The following JAK1 variants were observed in gnomAD, a reference collection of about 807,000 sequenced individuals.
JAK1 encodes Janus kinase 1.
Under a neutral mutation model 136.6 loss-of-function variants are expected in JAK1, and 16 were observed. The observed-to-expected ratio is 0.12, with a 90% CI of 0.08 to 0.18. JAK1 has a LOEUF of 0.18. Ranked by LOEUF, JAK1 falls within the 10% of genes least tolerant of loss-of-function variation. The pLI is 1.00. For missense variants in JAK1, 859 were observed against 1,450.1 expected (o/e 0.59, Z 6.62); for synonymous variants, 492 against 519.5 (o/e 0.95, Z 0.72).
rs1018629576 is a variant in JAK1 at position 64,854,673 on chromosome 1, G to A, written c.1648+836C>T. The stretch of plus-strand genomic sequence containing the variant: ...AAGAGGCTTAACAAGAAACAGCTGA[G>A]TGGCTCCCCCTTGGATCCATTTCAC... On this transcript the variant is annotated intron_variant, in intron 11 of 24. Transcript: ENST00000342505. Among the ~76,000 whole-genome samples, 36 of 124,698 alleles carry A rather than the reference G, an allele frequency of 2.9e-4. 9 individuals are homozygous for A. The highest frequency in any genetic ancestry group is 5.0e-4 in the Admixed American group (6 of 12,068). The allele number at this position is 124,698 out of a possible 152,430, so 81.8% of individuals were successfully genotyped here.
At chr1:64,880,405 G>A (rs1387342281) in intron 3 of JAK1, among the ~76,000 whole-genome samples, 7 of 152,190 alleles carry the variant, frequency 4.6e-5, no homozygotes, top group Non-Finnish European at 7.3e-5. Context: ...TTCATAAAGT[G>A]GCTTTTGTGG....
chr1:64,836,668 C>T (rs1339820596), intron 22 of JAK1, among the ~76,000 whole-genome samples: 2 of 152,038 alleles, frequency 1.3e-5, no homozygotes, highest in Non-Finnish European at 2.9e-5. Flanking sequence ...GGCATTCCAC[C>T]GCACCCAATC....
chr1:64,839,416 T>G (rs1654746485), intron 20 of JAK1, 187 bp downstream of exon 20: 3 of 442,608 alleles, frequency 6.8e-6, no homozygotes, highest in Non-Finnish European at 7.7e-6. Context: ...CTGGGTGGCC[T>G]CCTCAGGAGC....
chr1:65,058,632 A>G (rs987526257), intron 1 of JAK1: 7 of 425,872 alleles, frequency 1.6e-5, no homozygotes. Context: ...AGGAGGCAGA[A>G]GAAAAAGAAG....
rs1016599158 is a variant in JAK1 at position 65,000,510 on chromosome 1, A to T, written c.-78+43970T>A. On this transcript the variant is annotated intron_variant, in intron 2 of 25. Coordinates refer to the JAK1 transcript ENST00000671954. ...AGAGACCCCATCTCTTAAAAAAAAA[A>T]AAAATAACTACAAAGCTGCACACTC... Among the ~76,000 whole-genome samples, 29 of 152,168 alleles carry T rather than the reference A, an allele frequency of 1.9e-4. 5 individuals carry two copies. Among genetic ancestry groups the T allele is most frequent in the Admixed American group, 3.3e-4 (5 of 15,284 alleles).
chr1:64,868,652 G>A (rs561944181), intron 6 of JAK1, among the ~76,000 whole-genome samples: 11 of 152,170 alleles, frequency 7.2e-5, no homozygotes, highest in African/African-American at 2.2e-4. Flanking sequence ...GAAGACGCAC[G>A]CCGCCTATCA....
intron 2 of JAK1, among the ~76,000 whole-genome samples, chr1:65,023,913 C>CTT (rs35481521): frequency 1.8e-4 from 22 of 119,348 alleles, no homozygotes; most frequent in African/African-American, 4.6e-4. Flanking sequence ...TAGATTCATC[C>CTT]TTTTTTTTTT....
chr1:64,837,977 T>G lies in JAK1; in HGVS notation c.3095A>C (p.Lys1032Thr). Residue 1032 changes from lysine to threonine, a missense_variant, in exon 22 of 25, where the codon AAG becomes ACG. Transcript: ENST00000342505. Reference sequence around the variant, plus strand: ...GTCATCCTTGACGGTGTAATACTCCTTATCGGTTTCAATTGCTTTGGTTAA... The same window carrying G: ...GTCATCCTTGACGGTGTAATACTCCGTATCGGTTTCAATTGCTTTGGTTAA... ...FGLTKAIETD[K>T]EYYTVKDDRD... The G allele has an allele frequency of 6.2e-7, 1 of 1,614,188 alleles. No homozygotes were observed. The highest frequency in any genetic ancestry group is 8.5e-7 in the Non-Finnish European group (1 of 1,180,022).
At chr1:65,014,419 AAAG>A (rs1646875297) in intron 2 of JAK1, among the ~76,000 whole-genome samples, 1 of 147,338 alleles carries the variant, frequency 6.8e-6, no homozygotes, top group South Asian at 2.1e-4. Context: ...GGTAGAAAGA[AAAG>A]AAAGAAAGAG....
chr1:64,975,752 C>T (rs1329269173), intron 2 of JAK1, among the ~76,000 whole-genome samples: 2 of 152,198 alleles, frequency 1.3e-5, no homozygotes, highest in African/African-American at 4.8e-5. Context: ...ACACATCCAA[C>T]CCTAATTCCA....
chr1:64,833,268 A>G lies in JAK1; in HGVS notation c.*1294T>C, dbSNP rs1654240112. The G allele has an allele frequency of 4.3e-6, 1 of 230,766 alleles. No homozygotes were observed. The highest frequency in any genetic ancestry group is 2.2e-5 in the African/African-American group (1 of 45,180). The allele number at this position is 230,766 out of a possible 1,614,324, so 14.3% of individuals were successfully genotyped here. ...TATTTATTTGTATAAAGAGTAAACA[A>G]AGTGCATATAGAGTGGCCACAGGTT... On this transcript the variant is annotated 3_prime_UTR_variant, in exon 25 of 25. Transcript: ENST00000342505.
chr1:64,906,288 C>G (rs1211152356), intron 1 of JAK1, among the ~76,000 whole-genome samples: 3 of 150,994 alleles, frequency 2.0e-5, no homozygotes, highest in Non-Finnish European at 4.4e-5. Context: ...AAGCAAAACT[C>G]CATCTCAAAA....
intron 1 of JAK1, among the ~76,000 whole-genome samples, chr1:64,909,657 CA>C (rs34061898): frequency 5.0e-4 from 70 of 138,936 alleles, no homozygotes; most frequent in East Asian, 3.6e-3. Context: ...CCCCTCTCTC[CA>C]AAAAAAAAAA....
At chr1:64,966,870 C>G (rs1437697014), upstream of JAK1, among the ~76,000 whole-genome samples, 1 of 152,066 alleles carries the variant, frequency 6.6e-6, no homozygotes, top group Admixed American at 6.5e-5. Context: ...CTGGAGCCCC[C>G]TCCGCCACAC....
chr1:64,959,491 A>G (rs925863815), intron 1 of JAK1, among the ~76,000 whole-genome samples: 4 of 145,530 alleles, frequency 2.7e-5, no homozygotes, highest in African/African-American at 9.7e-5. Flanking sequence ...TTTCCACACA[A>G]CTCTGAAGAC....
At chr1:64,838,411 C>CATA (rs1654627723) in intron 21 of JAK1, 54 bp downstream of exon 21, 1 of 1,584,252 alleles carries the variant, frequency 6.3e-7, no homozygotes, top group African/African-American at 1.4e-5. Flanking sequence ...AACCAATTAC[C>CATA]CAGGACAGAG....
intron 1 of JAK1, among the ~76,000 whole-genome samples, chr1:64,965,155 ATC>A (rs1216778104): frequency 3.3e-5 from 5 of 152,222 alleles, no homozygotes; most frequent in Non-Finnish European, 5.9e-5. Context: ...CCTGATTTAC[ATC>A]TCTCTCTGCA....
intron 1 of JAK1, among the ~76,000 whole-genome samples, chr1:64,931,524 G>A (rs573183665): frequency 2.0e-5 from 3 of 151,978 alleles, no homozygotes; most frequent in African/African-American, 7.2e-5. Context: ...CATGGTGGGT[G>A]TCCTACCATG....
intron 1 of JAK1, among the ~76,000 whole-genome samples, chr1:64,945,730 T>TC (rs918901634): frequency 3.0e-5 from 2 of 66,506 alleles, no homozygotes; most frequent in Non-Finnish European, 1.1e-4. Flanking sequence ...TGGTTTGCTT[T>TC]CTTTTTTTTT....
Sources: gnomAD v4.1 joint callset for allele counts (sites outside exome capture counted in the v4.1 genomes callset) on GRCh38, gnomAD v4.1.1 for gene constraint, MANE v1.5 for transcripts, NCBI Gene and HGNC (gene_info 2026-07-23, HGNC 2026-07-21) for gene names.